The following MGAT5 variants were observed in gnomAD, a reference collection of about 807,000 sequenced individuals.
MGAT5 encodes alpha-1,6-mannosylglycoprotein 6-beta-N-acetylglucosaminyltransferase.
In MGAT5, 30 loss-of-function variants were observed where a neutral mutation model predicts 94.3. The observed-to-expected ratio is 0.32, with a 90% confidence interval of 0.24 to 0.43. The LOEUF (loss-of-function observed/expected upper bound fraction) is 0.43. Among genes scored for constraint, MGAT5 ranks in the 20% least tolerant of loss-of-function variants. The pLI is 1.00. For synonymous variants in MGAT5, 310 were observed against 322.9 expected (o/e 0.96, Z 0.43); for missense variants, 691 against 905.5 (o/e 0.76, Z 3.04).
At chr2:134,423,760 T>C (rs1684427588) in intron 13 of MGAT5, among the ~76,000 whole-genome samples, 1 of 152,182 alleles carries the variant, frequency 6.6e-6, no homozygotes. Flanking sequence ...ATATTACCAC[T>C]TGATTGGTCA....
chr2:134,155,040 G>A (rs975522798), intron 1 of MGAT5, among the ~76,000 whole-genome samples: 4 of 152,200 alleles, frequency 2.6e-5, no homozygotes, highest in African/African-American at 9.6e-5. Context: ...TGCAGAAGAG[G>A]GAGAACTCTC....
At chr2:134,403,788 G>A (rs1475140796) in intron 11 of MGAT5, among the ~76,000 whole-genome samples, 1 of 152,228 alleles carries the variant, frequency 6.6e-6, no homozygotes, top group Non-Finnish European at 1.5e-5. Context: ...TTGAAAAATA[G>A]TGGAGGTAAA....
intron 1 of MGAT5, among the ~76,000 whole-genome samples, chr2:134,138,215 C>T (rs1327707071): frequency 2.0e-5 from 3 of 148,850 alleles, no homozygotes; most frequent in African/African-American, 4.9e-5. Flanking sequence ...TATCATTGCC[C>T]TTTTTTTTTT....
intron 14 of MGAT5, among the ~76,000 whole-genome samples, chr2:134,433,037 G>T (rs1684971250): frequency 6.6e-6 from 1 of 152,012 alleles, no homozygotes; most frequent in Admixed American, 6.5e-5. Flanking sequence ...CTCTAGTTTT[G>T]CAGCATTTCC....
At chr2:134,150,118 A>G (rs1290667663) in intron 1 of MGAT5, among the ~76,000 whole-genome samples, 4 of 152,124 alleles carry the variant, frequency 2.6e-5, no homozygotes, top group Admixed American at 2.0e-4. Flanking sequence ...GAATCACCAG[A>G]TAACAGGCAG....
chr2:134,178,363 C>T (rs973044745), intron 1 of MGAT5, among the ~76,000 whole-genome samples: 15 of 152,160 alleles, frequency 9.9e-5, no homozygotes, highest in African/African-American at 3.6e-4. Flanking sequence ...GATGTCCACC[C>T]CCAGGACTGT....
At chr2:134,214,526 G>C (rs991201782) in intron 1 of MGAT5, among the ~76,000 whole-genome samples, 3 of 151,812 alleles carry the variant, frequency 2.0e-5, no homozygotes, top group African/African-American at 7.3e-5. Flanking sequence ...ATTCAAAGCT[G>C]TCCTTGGCTG....
intron 1 of MGAT5, among the ~76,000 whole-genome samples, chr2:134,182,080 T>G (rs916877471): frequency 6.6e-6 from 1 of 152,222 alleles, no homozygotes; most frequent in African/African-American, 2.4e-5. Context: ...GCATATGGTA[T>G]GCTTTGGTAG....
intron 2 of MGAT5, among the ~76,000 whole-genome samples, chr2:134,309,930 C>A (rs1347450192): frequency 6.6e-6 from 1 of 152,140 alleles, no homozygotes; most frequent in Non-Finnish European, 1.5e-5. Flanking sequence ...TATGAAGAAT[C>A]TGGAGTTATT....
intron 15 of MGAT5, among the ~76,000 whole-genome samples, chr2:134,444,819 G>C (rs192247209): frequency 6.6e-6 from 1 of 152,184 alleles, no homozygotes; most frequent in Non-Finnish European, 1.5e-5. Context: ...AACCAGCCTC[G>C]AGTTCTTGTG....
At chr2:134,174,983 C>T (rs555452282) in intron 1 of MGAT5, among the ~76,000 whole-genome samples, 2 of 152,342 alleles carry the variant, frequency 1.3e-5, no homozygotes, top group South Asian at 2.1e-4. Flanking sequence ...ACTCTAGATA[C>T]CACTGCCCAT....
chr2:134,198,654 A>G (rs1053939614), intron 1 of MGAT5, among the ~76,000 whole-genome samples: 1 of 152,178 alleles, frequency 6.6e-6, no homozygotes, highest in Non-Finnish European at 1.5e-5. Context: ...GAGAAGACTA[A>G]TGGGTTCCTA....
At chr2:134,149,958 G>A (rs1687097689) in intron 1 of MGAT5, among the ~76,000 whole-genome samples, 1 of 152,216 alleles carries the variant, frequency 6.6e-6, no homozygotes, top group African/African-American at 2.4e-5. Context: ...GGGAGCCAGA[G>A]AGAAATACCC....
At chr2:134,345,859 TC>T (rs1558810753) in intron 8 of MGAT5, among the ~76,000 whole-genome samples, 1 of 152,168 alleles carries the variant, frequency 6.6e-6, no homozygotes, top group Non-Finnish European at 1.5e-5. Context: ...GTAAAATATT[TC>T]CTAAAGGTTA....
At position 134,302,716 on chromosome 2, in the gene MGAT5, CTGTGTGTGTGTGTGTG is replaced by C. The variant is rs3034344; in HGVS notation, c.407-14773_407-14758del. Reference sequence around the variant, plus strand: ...GTTTTCTCTCAGCATTTAAGAAATGCTGTGTGTGTGTGTGTGTGTGTGTGTGTGTGTGTGTGTGTGT... The same window carrying C: ...GTTTTCTCTCAGCATTTAAGAAATGCTGTGTGTGTGTGTGTGTGTGTGTGT... On this transcript the variant is annotated intron_variant, in intron 2 of 15. Transcript: ENST00000281923. Among the ~76,000 whole-genome samples, 1,077 of 133,624 alleles carry C rather than the reference CTGTGTGTGTGTGTGTG, an allele frequency of 8.1e-3. 15 individuals are homozygous for C. Among genetic ancestry groups the C allele is most frequent in the African/African-American group, 0.026 (898 of 34,742 alleles). 87.7% of individuals were successfully genotyped at this position (133,624 alleles called of 152,430 possible).
intron 11 of MGAT5, among the ~76,000 whole-genome samples, chr2:134,410,872 C>T (rs1452796240): frequency 6.6e-6 from 1 of 152,204 alleles, no homozygotes; most frequent in Admixed American, 6.5e-5. Context: ...TCTGCGTCTT[C>T]TGGCACTTTT....
chr2:134,160,552 T>C (rs1189543140), intron 1 of MGAT5, among the ~76,000 whole-genome samples: 1 of 152,126 alleles, frequency 6.6e-6, no homozygotes, highest in Non-Finnish European at 1.5e-5. Context: ...TGGTGTAGGT[T>C]AAGGATTGGG....
intron 1 of MGAT5, among the ~76,000 whole-genome samples, chr2:134,151,653 G>A (rs1687185308): frequency 2.2e-5 from 1 of 45,032 alleles, no homozygotes; most frequent in African/African-American, 2.0e-4. Flanking sequence ...CACTGCCATG[G>A]GACCTCACTC....
intron 2 of MGAT5, among the ~76,000 whole-genome samples, chr2:134,302,106 A>G (rs1355137033): frequency 6.6e-6 from 1 of 152,178 alleles, no homozygotes; most frequent in Non-Finnish European, 1.5e-5. Flanking sequence ...TGTTGCAGTG[A>G]TTTAACTCTG....
Sources: gnomAD v4.1 joint callset for allele counts (sites outside exome capture counted in the v4.1 genomes callset) on GRCh38, gnomAD v4.1.1 for gene constraint, MANE v1.5 for transcripts, NCBI Gene and HGNC (gene_info 2026-07-23, HGNC 2026-07-21) for gene names.